The following CTNNA2 variants were observed in gnomAD, a reference collection of about 807,000 sequenced individuals.
The protein encoded by CTNNA2 is catenin alpha 2.
CTNNA2 carries 42 observed loss-of-function variants against 101.0 expected under a neutral mutation model. That is an observed-to-expected ratio of 0.42 (90% CI 0.32 to 0.54). The LOEUF is 0.54. CTNNA2 is among the 20% of genes least tolerant of loss of function. The pLI, the probability that CTNNA2 is intolerant of heterozygous loss-of-function variation, is 0.14. For synonymous variants in CTNNA2, 450 were observed against 456.4 expected, an observed-to-expected ratio of 0.99 and a Z score of 0.18; for missense variants, 871 against 1,223.1, an observed-to-expected ratio of 0.71 and a Z score of 4.29.
chr2:79,370,519 T>C lies in CTNNA2; in HGVS notation c.-317-3312T>C, dbSNP rs149356386. 1.2e-3 allele frequency among the ~76,000 whole-genome samples: 186 copies of C among 152,312 alleles called. 1 individual carries two copies. The East Asian group carries it at 0.018, about 15-fold the overall frequency. On this transcript the variant is annotated intron_variant, in intron 3 of 21. Transcript: ENST00000466387. ...AGTGCTTTCTCTGCCTCTAGCTCTA[T>C]GCTAGGGCATGTGGGCTACGAAGAA...
At chr2:79,218,275 C>G (rs1279639995) in intron 2 of CTNNA2, among the ~76,000 whole-genome samples, 6 of 149,624 alleles carry the variant, frequency 4.0e-5, no homozygotes, top group Admixed American at 6.7e-5. Flanking sequence ...GTCTGAGCTT[C>G]CTTTCCTAAG....
chr2:79,850,754 ACACTTCCTTCAT>A (rs914150335), intron 3 of CTNNA2, among the ~76,000 whole-genome samples: 1 of 152,180 alleles, frequency 6.6e-6, no homozygotes, highest in Non-Finnish European at 1.5e-5. Flanking sequence ...GACAATGAGA[ACACTTCCTTCAT>A]CAGATTCTCT....
intron 9 of CTNNA2, among the ~76,000 whole-genome samples, chr2:80,518,881 T>C (rs1234951363): frequency 6.6e-6 from 1 of 152,208 alleles, no homozygotes; most frequent in African/African-American, 2.4e-5. Flanking sequence ...TATCTGATTG[T>C]AATAGACTTA....
At chr2:79,749,013 A>C (rs1238001641) in intron 3 of CTNNA2, among the ~76,000 whole-genome samples, 1 of 152,196 alleles carries the variant, frequency 6.6e-6, no homozygotes, top group Admixed American at 6.5e-5. Flanking sequence ...TAGTGGCAGC[A>C]GGCTGGCAGA....
chr2:80,134,702 G>A (rs1282072448), intron 7 of CTNNA2, among the ~76,000 whole-genome samples: 2 of 152,156 alleles, frequency 1.3e-5, no homozygotes, highest in Non-Finnish European at 2.9e-5. Flanking sequence ...CCCCTGTTCT[G>A]CCTTTCCGGT....
At chr2:79,936,504 G>C (rs758693030) in intron 7 of CTNNA2, among the ~76,000 whole-genome samples, 15 of 151,162 alleles carry the variant, frequency 9.9e-5, no homozygotes, top group Non-Finnish European at 5.9e-5. Flanking sequence ...GGCCCTTCGA[G>C]TGCCACCATC....
intron 7 of CTNNA2, among the ~76,000 whole-genome samples, chr2:80,390,676 GT>G (rs1169927180): frequency 6.6e-6 from 1 of 152,134 alleles, no homozygotes; most frequent in Non-Finnish European, 1.5e-5. Context: ...TATCCGCACT[GT>G]TTTTTAAGTT....
intron 17 of CTNNA2, among the ~76,000 whole-genome samples, chr2:80,614,560 C>A (rs1337958484): frequency 6.6e-6 from 1 of 151,308 alleles, no homozygotes; most frequent in African/African-American, 2.4e-5. Flanking sequence ...ATGTGTAAAA[C>A]CCAGACAAAC....
intron 9 of CTNNA2, among the ~76,000 whole-genome samples, chr2:80,432,741 G>A (rs1035350106): frequency 6.6e-6 from 1 of 152,042 alleles, no homozygotes; most frequent in Non-Finnish European, 1.5e-5. Flanking sequence ...GATAGGAGGG[G>A]AATCCAAGAC....
chr2:79,298,991 T>C (rs1244351905), intron 2 of CTNNA2, among the ~76,000 whole-genome samples: 1 of 152,218 alleles, frequency 6.6e-6, no homozygotes, highest in African/African-American at 2.4e-5. Context: ...TAGCTCTTCA[T>C]TTGAAGAGCT....
At position 80,436,287 on chromosome 2, in the gene CTNNA2, C is replaced by T. The variant is rs552573928; in HGVS notation, c.1290+16686C>T. On this transcript the variant is annotated intron_variant, in intron 9 of 18. Coordinates refer to ENST00000402739, the MANE Select transcript of CTNNA2 (RefSeq NM_001282597.3). ...AAGGTCTCATTGTTCTATGTGTGCC[C>T]CCAGGCAGCATTGGTCTTACCTGGG... Among the ~76,000 whole-genome samples, 41 of 152,198 alleles carry T rather than the reference C, an allele frequency of 2.7e-4. 3 individuals are homozygous for T. The South Asian group carries it at 8.1e-3, about 30-fold the overall frequency.
intron 7 of CTNNA2, among the ~76,000 whole-genome samples, chr2:80,235,876 G>A (rs1056867843): frequency 6.6e-6 from 1 of 152,098 alleles, no homozygotes; most frequent in Admixed American, 6.6e-5. Flanking sequence ...CTTGTGTCAT[G>A]GGGGTTTGTT....
intron 9 of CTNNA2, among the ~76,000 whole-genome samples, chr2:80,468,794 G>C (rs561648801): frequency 6.2e-4 from 95 of 152,280 alleles, no homozygotes; most frequent in African/African-American, 2.1e-3. Context: ...TGATTATCAA[G>C]TGCCTAACAC....
intron 7 of CTNNA2, among the ~76,000 whole-genome samples, chr2:80,340,838 G>A (rs1293783526): frequency 6.6e-6 from 1 of 152,148 alleles, no homozygotes; most frequent in African/African-American, 2.4e-5. Flanking sequence ...ATGCCCCCAT[G>A]TCATACTCCA....
chr2:80,140,253 A>G (rs1201340262), intron 7 of CTNNA2, among the ~76,000 whole-genome samples: 1 of 152,150 alleles, frequency 6.6e-6, no homozygotes, highest in Non-Finnish European at 1.5e-5. Flanking sequence ...GGTGATACCA[A>G]TTGACTTTTA....
intron 7 of CTNNA2, among the ~76,000 whole-genome samples, chr2:80,272,003 A>G (rs1673530576): frequency 6.6e-6 from 1 of 152,212 alleles, no homozygotes; most frequent in South Asian, 2.1e-4. Flanking sequence ...TTCCACTGGA[A>G]TATGAATCAC....
intron 2 of CTNNA2, among the ~76,000 whole-genome samples, chr2:79,664,802 C>T (rs950383874): frequency 1.3e-5 from 2 of 149,544 alleles, no homozygotes; most frequent in Non-Finnish European, 2.9e-5. Flanking sequence ...AACTCCGCCT[C>T]CCAGGTTCAT....
At chr2:80,336,514 T>A (rs905245328) in intron 7 of CTNNA2, among the ~76,000 whole-genome samples, 1 of 152,266 alleles carries the variant, frequency 6.6e-6, no homozygotes, top group African/African-American at 2.4e-5. Flanking sequence ...CTTCACCTTA[T>A]GCAGATTATT....
At chr2:79,808,579 T>G (rs534912306) in intron 3 of CTNNA2, among the ~76,000 whole-genome samples, 1 of 152,304 alleles carries the variant, frequency 6.6e-6, no homozygotes, top group Non-Finnish European at 1.5e-5. Flanking sequence ...TAAAGTCCGG[T>G]TTGTCAATTC....
Sources: allele counts gnomAD v4.1 joint callset (sites outside exome capture counted in the v4.1 genomes callset), GRCh38; gene constraint gnomAD v4.1.1; transcripts MANE v1.5; gene names NCBI Gene and HGNC (gene_info 2026-07-23, HGNC 2026-07-21).